The following DCC variants were observed in gnomAD, a reference collection of about 807,000 sequenced individuals.
DCC encodes DCC netrin 1 receptor.
A neutral mutation model predicts 172.5 loss-of-function variants in DCC; 58 were observed. That is an observed-to-expected ratio of 0.34 (90% CI 0.27 to 0.42). The LOEUF is 0.42. Among genes scored for constraint, DCC ranks in the 10% least tolerant of loss-of-function variants. DCC has a pLI of 1.00. For synonymous variants in DCC, 709 were observed against 644.5 expected (o/e 1.10, Z -1.52); for missense variants, 1,740 against 1,791.0 (o/e 0.97, Z 0.51).
intron 1 of DCC, among the ~76,000 whole-genome samples, chr18:52,487,302 G>C (rs1048114487): frequency 6.6e-6 from 1 of 152,088 alleles, no homozygotes; most frequent in African/African-American, 2.4e-5. Flanking sequence ...GGCTCAAAGT[G>C]TTGAAAATTA....
chr18:52,637,631 G>T (rs2034808138), intron 1 of DCC, among the ~76,000 whole-genome samples: 1 of 152,122 alleles, frequency 6.6e-6, no homozygotes, highest in South Asian at 2.1e-4. Context: ...AAAAGAGTAA[G>T]AAAATATGAA....
intron 1 of DCC, among the ~76,000 whole-genome samples, chr18:52,355,347 G>A (rs1335957394): frequency 6.6e-6 from 1 of 152,168 alleles, no homozygotes; most frequent in African/African-American, 2.4e-5. Context: ...GAAGCTAGGT[G>A]AGCCTCTAAA....
At chr18:52,542,224 T>G (rs950700012) in intron 1 of DCC, among the ~76,000 whole-genome samples, 3 of 151,762 alleles carry the variant, frequency 2.0e-5, no homozygotes, top group Admixed American at 6.6e-5. Context: ...TTGAAAAATT[T>G]TTCTAAATAT....
At chr18:52,965,097 A>G (rs2040908021) in intron 5 of DCC, 1 of 152,198 alleles carries the variant, frequency 6.6e-6, no homozygotes, top group Admixed American at 6.6e-5. Context: ...AAGATCCTTA[A>G]CTTCACAGCT....
chr18:53,525,954 C>G (rs1804729874), intron 27 of DCC, among the ~76,000 whole-genome samples: 1 of 152,070 alleles, frequency 6.6e-6, no homozygotes, highest in South Asian at 2.1e-4. Flanking sequence ...TTTCAGTTTC[C>G]TCCAAAAAGG....
At chr18:53,360,312 C>A (rs987923244) in intron 15 of DCC, among the ~76,000 whole-genome samples, 2 of 152,002 alleles carry the variant, frequency 1.3e-5, no homozygotes, top group Admixed American at 6.6e-5. Context: ...CTAGCAATGT[C>A]TATTCTGAAA....
chr18:53,090,188 A>C (rs2042981768), intron 7 of DCC, among the ~76,000 whole-genome samples: 1 of 152,198 alleles, frequency 6.6e-6, no homozygotes, highest in African/African-American at 2.4e-5. Context: ...TTGTTTCTTA[A>C]AGGAAGAAAT....
intron 7 of DCC, among the ~76,000 whole-genome samples, chr18:53,071,164 G>A (rs368162568): frequency 2.0e-5 from 3 of 152,066 alleles, no homozygotes; most frequent in Non-Finnish European, 4.4e-5. Flanking sequence ...TGTAGTTGTC[G>A]GATATTTACA....
intron 12 of DCC, among the ~76,000 whole-genome samples, chr18:53,224,202 G>A (rs1165102562): frequency 6.6e-6 from 1 of 152,140 alleles, no homozygotes; most frequent in Non-Finnish European, 1.5e-5. Context: ...AAATCAGATT[G>A]TCAGGGAAGG....
intron 1 of DCC, among the ~76,000 whole-genome samples, chr18:52,633,490 C>T (rs1280578400): frequency 4.6e-5 from 7 of 152,142 alleles, no homozygotes; most frequent in Non-Finnish European, 7.3e-5. Flanking sequence ...AAATCAATTC[C>T]CCTTTATGCA....
chr18:52,891,827 CT>C (rs1158547591), intron 2 of DCC, among the ~76,000 whole-genome samples: 5 of 152,014 alleles, frequency 3.3e-5, no homozygotes, highest in African/African-American at 1.2e-4. Context: ...TGTCTATTTC[CT>C]TTTGCCTTGA....
intron 7 of DCC, among the ~76,000 whole-genome samples, chr18:53,101,230 C>A (rs867750654): frequency 2.9e-4 from 44 of 152,200 alleles, no homozygotes; most frequent in African/African-American, 1.0e-3. Flanking sequence ...GCGTGTCTGT[C>A]CTTTCTCTGG....
chr18:52,693,123 A>G (rs541783781), intron 1 of DCC, among the ~76,000 whole-genome samples: 2 of 151,972 alleles, frequency 1.3e-5, no homozygotes, highest in Admixed American at 6.6e-5. Flanking sequence ...GTTACAGATA[A>G]CTACAAGGCA....
chr18:52,929,653 G>T (rs1384570971), intron 5 of DCC, among the ~76,000 whole-genome samples: 1 of 152,018 alleles, frequency 6.6e-6, no homozygotes. Flanking sequence ...GTAACTTCTT[G>T]TTTATTCAAA....
intron 5 of DCC, among the ~76,000 whole-genome samples, chr18:52,976,488 T>C (rs2041120584): frequency 6.6e-6 from 1 of 152,182 alleles, no homozygotes. Flanking sequence ...CATTTAACCT[T>C]AGCTAGCTAC....
chr18:52,890,274 G>T (rs145579939), intron 2 of DCC, among the ~76,000 whole-genome samples: 55 of 152,200 alleles, frequency 3.6e-4, no homozygotes, highest in African/African-American at 1.2e-3. Flanking sequence ...TTATGAGTTG[G>T]GAAAGAGCAA....
intron 25 of DCC, among the ~76,000 whole-genome samples, chr18:53,484,087 ACTT>A (rs1244570971): frequency 1.3e-5 from 2 of 151,830 alleles, no homozygotes; most frequent in East Asian, 3.9e-4. Flanking sequence ...AACAATTTGA[ACTT>A]CTCCCAAATT....
chr18:52,551,101 A>G (rs1412269500), intron 1 of DCC, among the ~76,000 whole-genome samples: 1 of 151,930 alleles, frequency 6.6e-6, no homozygotes, highest in Admixed American at 6.6e-5. Context: ...AAGGTCAAAG[A>G]AAAGAGTATT....
intron 7 of DCC, among the ~76,000 whole-genome samples, chr18:53,135,187 G>T (rs770098683): frequency 1.3e-5 from 2 of 152,076 alleles, no homozygotes; most frequent in African/African-American, 4.8e-5. Flanking sequence ...AAACTATGCC[G>T]CTCTCTTGGT....
Sources: allele counts gnomAD v4.1 joint callset (sites outside exome capture counted in the v4.1 genomes callset), GRCh38; gene constraint gnomAD v4.1.1; transcripts MANE v1.5; gene names NCBI Gene and HGNC (gene_info 2026-07-23, HGNC 2026-07-21).